The following GRIN2A variants were observed in gnomAD, a reference collection of about 807,000 sequenced individuals.
The protein encoded by GRIN2A is glutamate receptor ionotropic, NMDA 2A.
GRIN2A carries 22 observed loss-of-function variants against 113.4 expected under a neutral mutation model. The ratio of observed to expected loss-of-function variants is 0.19; its 90% CI spans 0.14 to 0.28. The LOEUF (loss-of-function observed/expected upper bound fraction) is 0.28. Among genes scored for constraint, GRIN2A ranks in the 10% least tolerant of loss-of-function variants. The pLI is 1.00. For synonymous variants in GRIN2A, 827 were observed against 738.4 expected (o/e 1.12, Z -1.94); for missense variants, 1,502 against 1,887.0 (o/e 0.80, Z 3.78).
chr16:9,815,021 CA>C (rs60827287), intron 10 of GRIN2A, among the ~76,000 whole-genome samples: 13,382 of 76,372 alleles, frequency 0.18, 1,813 homozygotes, highest in African/African-American at 0.43. Context: ...AACTCCGTTT[CA>C]AAAAAAAAAA....
At chr16:9,774,836 C>T (rs1426622568) in intron 11 of GRIN2A, among the ~76,000 whole-genome samples, 1 of 152,146 alleles carries the variant, frequency 6.6e-6, no homozygotes, top group Non-Finnish European at 1.5e-5. Flanking sequence ...TGCCTGAAAT[C>T]AGGGAAGCTG....
chr16:9,855,267 C>T (rs2042948402), intron 4 of GRIN2A, among the ~76,000 whole-genome samples: 1 of 152,074 alleles, frequency 6.6e-6, no homozygotes, highest in South Asian at 2.1e-4. Context: ...ACTCAATCAC[C>T]AAATAAAAAC....
intron 2 of GRIN2A, among the ~76,000 whole-genome samples, chr16:10,089,383 G>C (rs772452883): frequency 2.6e-5 from 4 of 152,140 alleles, no homozygotes; most frequent in Non-Finnish European, 5.9e-5. Context: ...TTTTTTGTAT[G>C]TCAACTATAC....
chr16:9,987,744 A>G (rs1340512671), intron 2 of GRIN2A, among the ~76,000 whole-genome samples: 1 of 152,208 alleles, frequency 6.6e-6, no homozygotes, highest in African/African-American at 2.4e-5. Context: ...ATGGTCTTAA[A>G]TAGTTTTAGG....
intron 2 of GRIN2A, among the ~76,000 whole-genome samples, chr16:9,990,544 C>T (rs768415788): frequency 1.8e-5 from 2 of 113,892 alleles, no homozygotes; most frequent in South Asian, 3.1e-4. Context: ...TCTCTCTCTA[C>T]ACGCGCGCGC....
chr16:9,973,789 A>G (rs979914897), intron 2 of GRIN2A, among the ~76,000 whole-genome samples: 4 of 151,098 alleles, frequency 2.6e-5, no homozygotes, highest in African/African-American at 4.9e-5. Context: ...TGCTGGGGGG[A>G]AAAAAAACAA....
intron 11 of GRIN2A, among the ~76,000 whole-genome samples, chr16:9,796,152 C>T (rs148970990): frequency 1.2e-4 from 18 of 152,294 alleles, no homozygotes; most frequent in Non-Finnish European, 1.8e-4. Flanking sequence ...ATAGATGCTT[C>T]GAGAGTGACA....
At chr16:10,166,240 T>G (rs1329022440) in intron 2 of GRIN2A, among the ~76,000 whole-genome samples, 1 of 152,212 alleles carries the variant, frequency 6.6e-6, no homozygotes, top group Non-Finnish European at 1.5e-5. Context: ...GCAGGAGACA[T>G]TCAGCCATTT....
chr16:9,981,468 A>C (rs1193838884), intron 2 of GRIN2A, among the ~76,000 whole-genome samples: 1 of 152,236 alleles, frequency 6.6e-6, no homozygotes, highest in Non-Finnish European at 1.5e-5. Context: ...ACTCAATTTT[A>C]ACTATTTTCA....
intron 4 of GRIN2A, among the ~76,000 whole-genome samples, chr16:9,886,393 A>G (rs1385404388): frequency 6.6e-6 from 1 of 152,246 alleles, no homozygotes; most frequent in Admixed American, 6.5e-5. Context: ...AAGCATATTC[A>G]AAGTCCCAAA....
chr16:10,149,539 TC>T (rs1420805709), intron 2 of GRIN2A, among the ~76,000 whole-genome samples: 2 of 152,212 alleles, frequency 1.3e-5, no homozygotes, highest in East Asian at 3.8e-4. Flanking sequence ...AATCATTCTT[TC>T]TCTCTCATTC....
intron 11 of GRIN2A, among the ~76,000 whole-genome samples, chr16:9,797,048 A>T (rs968985098): frequency 6.6e-6 from 1 of 152,254 alleles, no homozygotes; most frequent in Admixed American, 6.5e-5. Context: ...TAGAAAGAAG[A>T]TAAGAAGCCA....
chr16:9,986,148 C>G (rs1035222706), intron 2 of GRIN2A, among the ~76,000 whole-genome samples: 3 of 151,868 alleles, frequency 2.0e-5, no homozygotes, highest in Non-Finnish European at 4.4e-5. Flanking sequence ...CAGCATTGTT[C>G]CTTCTGGCTG....
At chr16:9,964,972 A>G (rs1026125598) in intron 2 of GRIN2A, among the ~76,000 whole-genome samples, 1 of 152,186 alleles carries the variant, frequency 6.6e-6, no homozygotes, top group Non-Finnish European at 1.5e-5. Context: ...CTATATTACT[A>G]TTATTAAATG....
rs1249626887 is a variant in GRIN2A at position 9,764,679 on chromosome 16, A to C, written c.2865T>G (p.Ile955Met). The C allele has an allele frequency of 1.2e-5, 19 of 1,614,082 alleles. No individual in the cohort carries two copies. Among genetic ancestry groups the C allele is most frequent in the Non-Finnish European group, 1.6e-5 (19 of 1,180,024 alleles). Residue 955 changes from isoleucine (I) to methionine (M), a missense_variant, in exon 13 of 13, where the codon ATT becomes ATG. This residue lies in a region of GRIN2A where 832 missense variants were observed against 789.7 expected (regional missense o/e 1.05). Coordinates refer to ENST00000330684, the MANE Select transcript of GRIN2A (RefSeq NM_001134407.3). Reference protein sequence around the residue: ...DNRSFQGKESIFGDNMNELQT... With the variant: ...DNRSFQGKESMFGDNMNELQT... ...GGAGTTCGTTCATGTTGTCTCCAAA[A>C]ATGCTCTCTTTCCCCTGAAAGGACC...
intron 4 of GRIN2A, among the ~76,000 whole-genome samples, chr16:9,880,871 C>T (rs769627351): frequency 6.6e-6 from 1 of 152,198 alleles, no homozygotes; most frequent in Non-Finnish European, 1.5e-5. Context: ...TCTCTAAACA[C>T]CTGGAGTTGC....
At chr16:10,051,660 G>A (rs993246566) in intron 2 of GRIN2A, among the ~76,000 whole-genome samples, 1 of 152,220 alleles carries the variant, frequency 6.6e-6, no homozygotes, top group Non-Finnish European at 1.5e-5. Flanking sequence ...TTGGCAAAGA[G>A]AAAGGGTATT....
intron 2 of GRIN2A, among the ~76,000 whole-genome samples, chr16:9,964,269 A>C (rs1348094464): frequency 1.3e-5 from 2 of 152,206 alleles, no homozygotes; most frequent in Non-Finnish European, 2.9e-5. Context: ...GTGGCCCTGG[A>C]ACCAGTGACC....
At chr16:10,048,933 G>A (rs2047307581) in intron 2 of GRIN2A, among the ~76,000 whole-genome samples, 1 of 152,156 alleles carries the variant, frequency 6.6e-6, no homozygotes, top group Admixed American at 6.5e-5. Flanking sequence ...GTGGAGGAAG[G>A]AGCCGAGGGA....
Sources: allele counts gnomAD v4.1 joint callset (sites outside exome capture counted in the v4.1 genomes callset), GRCh38; gene constraint gnomAD v4.1.1; regional missense constraint gnomAD v4.1.1; transcripts MANE v1.5; gene names NCBI Gene and HGNC (gene_info 2026-07-23, HGNC 2026-07-21).